The following WDFY3 variants were observed in gnomAD, a reference collection of about 807,000 sequenced individuals.
The protein encoded by WDFY3 is WD repeat and FYVE domain containing 3.
WDFY3 carries 66 observed loss-of-function variants against 409.6 expected under a neutral mutation model. The observed-to-expected ratio is 0.16, with a 90% CI of 0.13 to 0.20. The LOEUF is 0.20. Among genes scored for constraint, WDFY3 ranks in the 10% least tolerant of loss-of-function variants. The pLI is 1.00. For missense variants in WDFY3, 3,031 were observed against 4,298.1 expected (o/e 0.71, Z 8.24); for synonymous variants, 1,521 against 1,537.1 (o/e 0.99, Z 0.25).
intron 18 of WDFY3, among the ~76,000 whole-genome samples, chr4:84,797,737 C>T (rs958839311): frequency 4.6e-5 from 7 of 152,020 alleles, no homozygotes; most frequent in East Asian, 1.9e-4. Context: ...CCTGCCACTG[C>T]GCCCGGCTAA....
At chr4:84,808,205 AAAAACAAAAC>A (rs771952035) in intron 15 of WDFY3, 119 bp downstream of exon 15, 7 of 801,014 alleles carry the variant, frequency 8.7e-6, no homozygotes, top group East Asian at 2.7e-5. Context: ...CCCCAAAAGT[AAAAACAAAAC>A]AAAACAAAAC....
At chr4:84,745,226 T>C (rs1739220462) in intron 36 of WDFY3, among the ~76,000 whole-genome samples, 1 of 152,182 alleles carries the variant, frequency 6.6e-6, no homozygotes, top group Admixed American at 6.5e-5. Flanking sequence ...CATCCTCAAA[T>C]GCCAGTAGTT....
chr4:84,783,994 T>C (rs1747034945), intron 24 of WDFY3, among the ~76,000 whole-genome samples: 1 of 152,140 alleles, frequency 6.6e-6, no homozygotes, highest in Non-Finnish European at 1.5e-5. Flanking sequence ...CAAAATGGCT[T>C]GTCAAGCTCA....
chr4:84,750,988 A>G (rs1378999180), intron 36 of WDFY3, among the ~76,000 whole-genome samples: 1 of 152,282 alleles, frequency 6.6e-6, no homozygotes, highest in East Asian at 1.9e-4. Context: ...GTAGGAAATT[A>G]TAAGGTAAGA....
At chr4:84,927,347 T>A (rs1485972230) in intron 2 of WDFY3, among the ~76,000 whole-genome samples, 1 of 151,870 alleles carries the variant, frequency 6.6e-6, no homozygotes, top group African/African-American at 2.4e-5. Flanking sequence ...ACACACACCT[T>A]ATAGATTAAC....
chr4:84,794,959 A>G lies in WDFY3; in HGVS notation c.3188T>C (p.Leu1063Ser), dbSNP rs1412318252. ...ATTTGTAGGAGCATTATGAGGGGCC[A>G]AACTGGGCAAAAAAAGACATCTATT... ...EGFGCLFLPS[L>S]APHNAPTNNT... The change falls in exon 20 of 68, where the codon TTG becomes TCG. Residue 1063 changes from leucine (L) to serine (S), a missense_variant. This residue lies in a region of WDFY3 where 1,322 missense variants were observed against 1,697.9 expected (regional missense o/e 0.78). Transcript: ENST00000295888. The G allele has an allele frequency of 6.4e-7, 1 of 1,560,670 alleles. No individual in the cohort carries two copies. Among genetic ancestry groups the G allele is most frequent in the Non-Finnish European group, 8.6e-7 (1 of 1,159,212 alleles).
intron 59 of WDFY3, 98 bp downstream of exon 59, chr4:84,692,787 T>G: frequency 8.5e-7 from 1 of 1,178,362 alleles, no homozygotes; most frequent in East Asian, 2.6e-5. Flanking sequence ...ATTAAACAAA[T>G]TATGCTATCG....
intron 64 of WDFY3, among the ~76,000 whole-genome samples, chr4:84,680,746 G>A (rs377542939): frequency 5.3e-5 from 8 of 152,050 alleles, no homozygotes; most frequent in Admixed American, 2.0e-4. Context: ...ATACAATATC[G>A]CAACTATTTA....
At chr4:84,773,034 A>T in intron 29 of WDFY3, 105 bp from the exon 30 acceptor site, 19 of 798,286 alleles carry the variant, frequency 2.4e-5, no homozygotes, top group South Asian at 6.7e-5. Context: ...CCAAAACAGT[A>T]CTTTTTTTTT....
chr4:84,747,394 C>CT (rs1739652144), intron 36 of WDFY3, among the ~76,000 whole-genome samples: 2 of 152,168 alleles, frequency 1.3e-5, no homozygotes, highest in South Asian at 4.1e-4. Context: ...TTTTTCCTCT[C>CT]TGAGTTACTT....
Position 84,737,307 on chromosome 4 carries a change from T to C in WDFY3, c.6634A>G (p.Lys2212Glu). The C allele has an allele frequency of 6.2e-7, 1 of 1,613,950 alleles. No homozygotes were observed. The highest frequency in any genetic ancestry group is 8.5e-7 in the Non-Finnish European group (1 of 1,179,898). Reference protein sequence around the residue: ...RVWTELIHSKKQVLEELFKVT... With the variant: ...RVWTELIHSKEQVLEELFKVT... The stretch of plus-strand genomic sequence containing the variant: ...TTGAAAAGTTCCTCTAAGACTTGTT[T>C]CTTACTATGTATCAGTTCAGTCCAA... The change falls in exon 41 of 68, where the codon AAA becomes GAA. Residue 2212 changes from lysine (K) to glutamate (E), a missense_variant. Physicochemically the swap from Lys to Glu is moderately conservative, Grantham distance 56. Around this residue, in one of 16 missense-constraint regions of WDFY3, gnomAD observed 314 missense variants for 397.4 expected, o/e 0.79. Transcript: ENST00000295888.
intron 64 of WDFY3, among the ~76,000 whole-genome samples, chr4:84,681,360 A>G (rs987022890): frequency 2.0e-5 from 3 of 152,216 alleles, no homozygotes; most frequent in Admixed American, 6.5e-5. Context: ...AATATCTGAC[A>G]TATAACAGGT....
chr4:84,692,743 T>C, intron 59 of WDFY3, 142 bp downstream of exon 59: 1 of 726,780 alleles, frequency 1.4e-6, no homozygotes, highest in Non-Finnish European at 2.1e-6. Flanking sequence ...TACTAGTAGG[T>C]ATTTAGTAAT....
rs1348207315 is a variant in WDFY3, at chr4:84,684,223, C to G, written c.9544-98G>C. ...ATCCCTGGCCTAGTTCTCAGAAAGCCTTTCAGTCCTAAGACTAGTGGCTAA... is the reference window on the plus strand; with the variant it reads ...ATCCCTGGCCTAGTTCTCAGAAAGCGTTTCAGTCCTAAGACTAGTGGCTAA... On this transcript the variant is annotated intron_variant, in intron 62 of 67. Coordinates refer to ENST00000295888, the MANE Select transcript of WDFY3 (RefSeq NM_014991.6). 7.2e-6 allele frequency: 9 copies of G among 1,244,596 alleles called. No individual in the cohort carries two copies. In the South Asian group the frequency reaches 9.6e-5, roughly 13 times the overall value. 77.1% of individuals were successfully genotyped at this position (1,244,596 alleles called of 1,614,324 possible).
chr4:84,928,849 C>A (rs1055957392), intron 2 of WDFY3, among the ~76,000 whole-genome samples: 5 of 152,070 alleles, frequency 3.3e-5, no homozygotes, highest in African/African-American at 1.2e-4. Context: ...AAGTCACACG[C>A]CACTTGAATA....
At chr4:84,809,856 C>G (rs1752195499) in intron 14 of WDFY3, 31 bp downstream of exon 14, 1 of 1,595,370 alleles carries the variant, frequency 6.3e-7, no homozygotes, top group African/African-American at 1.4e-5. Flanking sequence ...AGTATACACC[C>G]TTTAATTCAG....
intron 5 of WDFY3, chr4:84,844,553 A>G (rs749621645): frequency 1.1e-4 from 145 of 1,278,146 alleles, no homozygotes; most frequent in Non-Finnish European, 1.2e-4. Flanking sequence ...GGGATTCACT[A>G]AATTCCACTA....
chr4:84,862,694 A>AT (rs199974405), intron 3 of WDFY3, among the ~76,000 whole-genome samples: 6 of 150,718 alleles, frequency 4.0e-5, no homozygotes, highest in African/African-American at 9.7e-5. Flanking sequence ...TTCAAAAAAA[A>AT]TTTTTTTTTT....
At position 84,766,324 on chromosome 4, in the gene WDFY3, A is replaced by C; in HGVS notation, c.4898T>G (p.Leu1633Trp). 1 of 1,603,296 alleles carries C rather than the reference A, an allele frequency of 6.2e-7. No homozygotes were observed. Among genetic ancestry groups the C allele is most frequent in the Non-Finnish European group, 8.5e-7 (1 of 1,176,814 alleles). ...GGLVSANLIL[L>W]RNRLLDILLK... is the part of the protein sequence containing the mutation. Reference sequence around the variant, plus strand: ...CAAGATATCCAGAAGTCTGTTCCTCAAAAGTATAAGATTAGCTGATACAAG... The same window carrying C: ...CAAGATATCCAGAAGTCTGTTCCTCCAAAGTATAAGATTAGCTGATACAAG... The change falls in exon 31 of 68, where the codon TTG becomes TGG. Residue 1633 changes from leucine to tryptophan, a missense_variant. By Grantham distance (61) the Leu-to-Trp change is moderately conservative (BLOSUM62 -2). Around this residue, in one of 16 missense-constraint regions of WDFY3, gnomAD observed 342 missense variants for 463.7 expected, o/e 0.74. Transcript: ENST00000295888.
Sources: allele counts gnomAD v4.1 joint callset (sites outside exome capture counted in the v4.1 genomes callset), GRCh38; gene constraint gnomAD v4.1.1; regional missense constraint gnomAD v4.1.1; transcripts MANE v1.5; gene names NCBI Gene and HGNC (gene_info 2026-07-23, HGNC 2026-07-21).